Variants in FAM120C observed in about 807,000 individuals in gnomAD.
The protein encoded by FAM120C is family with sequence similarity 120 member C.
In FAM120C, 14 loss-of-function variants were observed where a neutral mutation model predicts 71.2. The ratio of observed to expected loss-of-function variants is 0.20; its 90% CI spans 0.13 to 0.31. The LOEUF (loss-of-function observed/expected upper bound fraction) is 0.31. FAM120C is among the 10% of genes least tolerant of loss of function. FAM120C has a pLI of 1.00. For synonymous variants in FAM120C, 354 were observed against 353.2 expected, an observed-to-expected ratio of 1.00 and a Z score of -0.03; for missense variants, 500 against 879.0, an observed-to-expected ratio of 0.57 and a Z score of 5.45.
intron 10 of FAM120C, among the ~76,000 whole-genome samples, chrX:54,105,771 C>A (rs1173046690): frequency 9.0e-6 from 1 of 111,331 alleles, no homozygotes; most frequent in Admixed American, 9.7e-5. Context: ...CAATAACAGA[C>A]AAACAGAGCC....
At chrX:54,130,527 T>C (rs1400629973) in intron 9 of FAM120C, among the ~76,000 whole-genome samples, 2 of 111,560 alleles carry the variant, frequency 1.8e-5, no homozygotes, top group East Asian at 5.6e-4. Flanking sequence ...GGATCTTACT[T>C]AAACCTTGTG....
chrX:54,168,011 G>T (rs1231388670), intron 1 of FAM120C, among the ~76,000 whole-genome samples: 3 of 110,043 alleles, frequency 2.7e-5, no homozygotes, highest in Non-Finnish European at 5.7e-5. Flanking sequence ...AAAGCTCTCT[G>T]AGAAGACGTG....
At chrX:54,115,068 T>A (rs2066960918) in intron 10 of FAM120C, among the ~76,000 whole-genome samples, 1 of 111,997 alleles carries the variant, frequency 8.9e-6, no homozygotes, top group South Asian at 3.7e-4. Flanking sequence ...CAAGTTAAAT[T>A]TTTAAAAGGC....
At chrX:54,134,095 A>G (rs782268588) in intron 7 of FAM120C, 49 bp from the exon 8 acceptor site, 214 of 1,141,197 alleles carry the variant, frequency 1.9e-4, no homozygotes, top group Admixed American at 7.1e-4. Context: ...AGATTGATAA[A>G]GATATTCCTA....
intron 1 of FAM120C, among the ~76,000 whole-genome samples, chrX:54,164,137 G>A (rs782499807): frequency 9.0e-6 from 1 of 110,739 alleles, no homozygotes; most frequent in Non-Finnish European, 1.9e-5. Context: ...TCACCATGTT[G>A]GTCAGGCTGG....
At chrX:54,085,502 G>T (rs782810940) in intron 13 of FAM120C, among the ~76,000 whole-genome samples, 1 of 109,965 alleles carries the variant, frequency 9.1e-6, no homozygotes, top group Non-Finnish European at 1.9e-5. Flanking sequence ...CAGGAGAATC[G>T]CTTGAACCCA....
At chrX:54,152,909 G>A (rs2067190758) in intron 3 of FAM120C, among the ~76,000 whole-genome samples, 1 of 111,480 alleles carries the variant, frequency 9.0e-6, no homozygotes, top group Non-Finnish European at 1.9e-5. Flanking sequence ...AAAATGTATA[G>A]TGTAGGCTGG....
At chrX:54,096,103 GA>G (rs1393830549) in intron 10 of FAM120C, among the ~76,000 whole-genome samples, 6 of 111,282 alleles carry the variant, frequency 5.4e-5, no homozygotes, top group Admixed American at 3.9e-4. Flanking sequence ...GGTAATACAA[GA>G]AAAAAATATT....
At chrX:54,159,657 A>G in intron 1 of FAM120C, 41 bp from the exon 2 acceptor site, 1 of 1,191,131 alleles carries the variant, frequency 8.4e-7, no homozygotes, top group Non-Finnish European at 1.1e-6. Context: ...ACAGAACCTG[A>G]TTTGTATTGT....
intron 13 of FAM120C, among the ~76,000 whole-genome samples, chrX:54,084,698 G>C (rs1569531515): frequency 2.6e-5 from 2 of 77,989 alleles, no homozygotes; most frequent in African/African-American, 9.6e-5. Context: ...GCTGTGGACA[G>C]AGGGAGACCA....
chrX:54,130,010 GAAAGAGA>G (rs2067056308), intron 9 of FAM120C, among the ~76,000 whole-genome samples: 1 of 103,043 alleles, frequency 9.7e-6, no homozygotes, highest in Non-Finnish European at 2.0e-5. Flanking sequence ...GGAGACCGTG[GAAAGAGA>G]GGGAGAGGGA....
At chrX:54,137,258 T>A (rs1312055154) in intron 4 of FAM120C, among the ~76,000 whole-genome samples, 1 of 111,606 alleles carries the variant, frequency 9.0e-6, no homozygotes. Context: ...CGGCCAATTT[T>A]TTTTTATTTT....
intron 4 of FAM120C, among the ~76,000 whole-genome samples, chrX:54,146,668 G>A (rs2067158016): frequency 9.0e-6 from 1 of 111,722 alleles, no homozygotes; most frequent in Non-Finnish European, 1.9e-5. Context: ...GCAACAGAGT[G>A]AAACTCTGTC....
chrX:54,085,571 G>A (rs2066789822), intron 13 of FAM120C, 144 bp downstream of exon 13: 5 of 551,372 alleles, frequency 9.1e-6, no homozygotes, highest in Non-Finnish European at 1.4e-5. Context: ...TGGGCGACAA[G>A]AGTGAAACTC....
chrX:54,079,098 A>G (rs1449999501), intron 15 of FAM120C, among the ~76,000 whole-genome samples: 2 of 108,798 alleles, frequency 1.8e-5, no homozygotes, highest in Non-Finnish European at 3.8e-5. Context: ...ATCTCTACTA[A>G]AAACACACAA....
chrX:54,108,480 A>T (rs2066918156), intron 10 of FAM120C, among the ~76,000 whole-genome samples: 1 of 111,466 alleles, frequency 9.0e-6, no homozygotes, highest in African/African-American at 3.3e-5. Context: ...GATAACTAGT[A>T]TAAGTCTCAA....
Position 54,073,178 on chromosome X carries a change from C to T in FAM120C, c.3146G>A (p.Arg1049His), listed in dbSNP as rs782576637. 65 of 1,209,133 alleles carry T rather than the reference C, an allele frequency of 5.4e-5. No individual in the cohort carries two copies. The highest frequency in any genetic ancestry group is 7.2e-5 in the Non-Finnish European group (64 of 895,027). The change falls in exon 16 of 16, where the codon CGT becomes CAT. Residue 1049 changes from arginine to histidine, a missense_variant. Transcript: ENST00000375180. ...ALIKEEKSDH[R>H]LPAPSQCALS... is the part of the protein sequence containing the mutation. ...GGCACATTGTGATGGAGCTGGAAGACGATGATCACTCTTCTCTTCCTTGAT... is the reference window on the plus strand; with the variant it reads ...GGCACATTGTGATGGAGCTGGAAGATGATGATCACTCTTCTCTTCCTTGAT...
At chrX:54,129,045 C>G (rs1362796134) in intron 9 of FAM120C, among the ~76,000 whole-genome samples, 1 of 107,349 alleles carries the variant, frequency 9.3e-6, no homozygotes, top group Admixed American at 9.7e-5. Context: ...CCAGTAGGGG[C>G]GGCCGGGCAG....
At chrX:54,127,546 G>A (rs782342849) in intron 9 of FAM120C, among the ~76,000 whole-genome samples, 2 of 96,719 alleles carry the variant, frequency 2.1e-5, no homozygotes, top group South Asian at 1.1e-3. Context: ...AGCCGAGATT[G>A]TGCCACTGCA....
Sources: allele counts gnomAD v4.1 joint callset (sites outside exome capture counted in the v4.1 genomes callset), GRCh38; gene constraint gnomAD v4.1.1; transcripts MANE v1.5; gene names NCBI Gene and HGNC (gene_info 2026-07-23, HGNC 2026-07-21).